The following ADAM23 variants were observed in gnomAD, a reference collection of about 807,000 sequenced individuals.
ADAM23 encodes ADAM metallopeptidase domain 23, also known as disintegrin and metalloproteinase domain-containing protein 23.
Under a neutral mutation model 120.1 loss-of-function variants are expected in ADAM23, and 33 were observed. The ratio of observed to expected loss-of-function variants is 0.27; its 90% CI spans 0.21 to 0.37. ADAM23 has a LOEUF of 0.37. Ranked by LOEUF, ADAM23 falls within the 10% of genes least tolerant of loss-of-function variation. The probability of loss-of-function intolerance (pLI) is 1.00; values close to 1 mark genes in which losing one functional copy is unlikely to be tolerated. For missense variants in ADAM23, 862 were observed against 1,058.2 expected, an observed-to-expected ratio of 0.81 and a Z score of 2.57; for synonymous variants, 367 against 375.2, an observed-to-expected ratio of 0.98 and a Z score of 0.25.
chr2:206,601,366 CTAAG>C (rs1300341106), intron 24 of ADAM23, among the ~76,000 whole-genome samples: 1 of 152,160 alleles, frequency 6.6e-6, no homozygotes, highest in Admixed American at 6.5e-5. Flanking sequence ...AATGAAGAAA[CTAAG>C]TTAGTTTTCA....
chr2:206,455,603 A>G (rs1469063175), intron 2 of ADAM23, among the ~76,000 whole-genome samples: 1 of 152,162 alleles, frequency 6.6e-6, no homozygotes, highest in African/African-American at 2.4e-5. Flanking sequence ...TATAAGTTCC[A>G]GTTTCAGCCC....
intron 9 of ADAM23, among the ~76,000 whole-genome samples, chr2:206,553,797 T>C (rs1377522511): frequency 6.6e-6 from 1 of 152,226 alleles, no homozygotes; most frequent in East Asian, 1.9e-4. Context: ...TTTCTGAATA[T>C]GTGGGGATTT....
chr2:206,488,242 C>G (rs919351877), intron 3 of ADAM23, among the ~76,000 whole-genome samples: 4 of 152,168 alleles, frequency 2.6e-5, no homozygotes, highest in African/African-American at 9.7e-5. Flanking sequence ...CTGTGCTGAG[C>G]AACACGGGGG....
Position 206,601,602 on chromosome 2 carries a change from G to A in ADAM23, c.2359+5440G>A, listed in dbSNP as rs190776484. Reference sequence around the variant, plus strand: ...AGCCTGAGCAACATGGAAAAACCCCGTCTATATAAAAAAATAAAAAAATTA... The same window carrying A: ...AGCCTGAGCAACATGGAAAAACCCCATCTATATAAAAAAATAAAAAAATTA... On this transcript the variant is annotated intron_variant, in intron 24 of 25. Transcript: ENST00000264377. Among the ~76,000 whole-genome samples, 18 of 151,782 alleles carry A rather than the reference G, an allele frequency of 1.2e-4. No homozygotes were observed. The East Asian group carries it at 1.4e-3, about 11-fold the overall frequency.
chr2:206,477,923 A>T (rs866392056), intron 2 of ADAM23, among the ~76,000 whole-genome samples: 1,673 of 83,996 alleles, frequency 0.02, 16 homozygotes, highest in Middle Eastern at 0.039. Flanking sequence ...TATATATATA[A>T]AACAACAATG....
intron 3 of ADAM23, among the ~76,000 whole-genome samples, chr2:206,529,146 A>G (rs62194495): frequency 0.12 from 17,567 of 152,192 alleles, 1,124 homozygotes; most frequent in East Asian, 0.21. Flanking sequence ...CCTAATCAGC[A>G]TACTCAGTAC....
At chr2:206,574,564 T>C (rs13008974) in intron 18 of ADAM23, among the ~76,000 whole-genome samples, 14,268 of 152,214 alleles carry the variant, frequency 0.094, 711 homozygotes, top group Non-Finnish European at 0.12. Flanking sequence ...ACTAATGTGC[T>C]GTTTTCAAAC....
At position 206,543,387 on chromosome 2, in the gene ADAM23, GAA is replaced by G. The variant is rs1460843079; in HGVS notation, c.720+74_720+75del. The G allele has an allele frequency of 3.1e-6, 4 of 1,288,950 alleles. No homozygotes were observed. In the East Asian group the frequency reaches 6.9e-5, roughly 22 times the overall value. The allele number at this position is 1,288,950 out of a possible 1,614,324, so 79.8% of individuals were successfully genotyped here. The stretch of plus-strand genomic sequence containing the variant: ...CAACTTTGTCTTTGAGAAGAAAAGA[GAA>G]AAGAGTGTAGATTTCAAAGTGCCTT... On this transcript the variant is annotated intron_variant, in intron 6 of 25. Coordinates refer to ENST00000264377, the MANE Select transcript of ADAM23 (RefSeq NM_003812.4).
At chr2:206,491,503 G>A (rs566622861) in intron 3 of ADAM23, among the ~76,000 whole-genome samples, 1 of 152,124 alleles carries the variant, frequency 6.6e-6, no homozygotes, top group Non-Finnish European at 1.5e-5. Flanking sequence ...CCCTTTGCGG[G>A]TATCCACCCC....
In ADAM23 at chr2:206,561,167, C is replaced by T; in HGVS notation, c.1209C>T (p.Tyr403=). 6.2e-7 allele frequency: 1 copy of T among 1,613,970 alleles called. No homozygotes were observed. Among genetic ancestry groups the T allele is most frequent in the Non-Finnish European group, 8.5e-7 (1 of 1,179,954 alleles). ...TFHYKRSSLS[Y]FGGVCSRTRG... ...ACTATAAGAGAAGCAGTCTGAGTTA[C>T]TTTGGAGGTGTCTGTTCTCGCACAA... is the stretch of plus-strand genomic sequence containing the variant. Residue 403 remains tyrosine (Y), a synonymous_variant, in exon 12 of 26, where the codon TAC becomes TAT. Transcript: ENST00000264377.
At chr2:206,514,922 G>A (rs1346868996) in intron 3 of ADAM23, among the ~76,000 whole-genome samples, 1 of 152,126 alleles carries the variant, frequency 6.6e-6, no homozygotes, top group Non-Finnish European at 1.5e-5. Flanking sequence ...GCTATTACAT[G>A]CATAATAGAC....
chr2:206,452,651 T>TA (rs1307465496), intron 2 of ADAM23, among the ~76,000 whole-genome samples: 1 of 151,968 alleles, frequency 6.6e-6, no homozygotes, highest in African/African-American at 2.4e-5. Flanking sequence ...TACAATAAGT[T>TA]AAAAAAATTA....
intron 24 of ADAM23, among the ~76,000 whole-genome samples, chr2:206,600,078 T>G (rs1698610436): frequency 6.6e-6 from 1 of 152,178 alleles, no homozygotes; most frequent in African/African-American, 2.4e-5. Context: ...GGCAGGCACC[T>G]GTAGTCCCAG....
At chr2:206,456,325 T>C (rs1695299711) in intron 2 of ADAM23, among the ~76,000 whole-genome samples, 1 of 151,690 alleles carries the variant, frequency 6.6e-6, no homozygotes, top group Non-Finnish European at 1.5e-5. Context: ...GAGAACAGCA[T>C]GAGGGAAATC....
Position 206,484,607 on chromosome 2 carries a change from G to A in ADAM23, c.509+3299G>A, listed in dbSNP as rs1695968177. Among the ~76,000 whole-genome samples the A allele has an allele frequency of 2.0e-5, 3 of 152,104 alleles. No individual in the cohort carries two copies. The South Asian group carries it at 6.2e-4, about 32-fold the overall frequency. On this transcript the variant is annotated intron_variant, in intron 3 of 25. Coordinates refer to ENST00000264377, the MANE Select transcript of ADAM23 (RefSeq NM_003812.4). ...TTGCATAGTTAAGTATCAGGATCCA[G>A]TCTGGGTTAGAAGGGAGATGAGGTC...
intron 24 of ADAM23, among the ~76,000 whole-genome samples, chr2:206,596,590 T>C (rs1425750499): frequency 6.6e-6 from 1 of 152,242 alleles, no homozygotes; most frequent in African/African-American, 2.4e-5. Flanking sequence ...AAGCTCTTTT[T>C]GAACATTCTT....
intron 2 of ADAM23, among the ~76,000 whole-genome samples, chr2:206,478,818 G>T (rs1237268267): frequency 6.6e-6 from 1 of 152,038 alleles, no homozygotes; most frequent in African/African-American, 2.4e-5. Context: ...TTTCCTCCAT[G>T]CCTTGAGTGT....
At chr2:206,564,954 C>CA (rs886225760) in intron 13 of ADAM23, 66 bp from the exon 14 acceptor site, 72 of 1,575,324 alleles carry the variant, frequency 4.6e-5, no homozygotes, top group Non-Finnish European at 5.8e-5. Context: ...GTTGTAATAC[C>CA]AAAAAAATAT....
chr2:206,606,269 A>C (rs1698726961), intron 24 of ADAM23, among the ~76,000 whole-genome samples: 1 of 152,200 alleles, frequency 6.6e-6, no homozygotes, highest in Admixed American at 6.5e-5. Flanking sequence ...TGTGCCAGTC[A>C]AATAAATTTA....
Sources: allele counts gnomAD v4.1 joint callset (sites outside exome capture counted in the v4.1 genomes callset), GRCh38; gene constraint gnomAD v4.1.1; transcripts MANE v1.5; gene names NCBI Gene and HGNC (gene_info 2026-07-23, HGNC 2026-07-21).